CEP164: variants seen among roughly 807,000 people sequenced by gnomAD.
The protein encoded by CEP164 is centrosomal protein of 164 kDa.
Under a neutral mutation model 182.7 loss-of-function variants are expected in CEP164, and 162 were observed. The ratio of observed to expected loss-of-function variants is 0.89; its 90% CI spans 0.78 to 1.01. CEP164 has a LOEUF of 1.01. Ranked by LOEUF, CEP164 falls within the 50% of genes least tolerant of loss-of-function variation. The probability of loss-of-function intolerance (pLI) is 0.00; values close to 1 mark genes in which losing one functional copy is unlikely to be tolerated. For missense variants in CEP164, 1,735 were observed against 1,790.4 expected, an observed-to-expected ratio of 0.97 and a Z score of 0.56; for synonymous variants, 661 against 690.0, an observed-to-expected ratio of 0.96 and a Z score of 0.66.
In CEP164 at chr11:117,382,823, C is replaced by T. The variant is rs2043491343; in HGVS notation, c.1605C>T (p.Ala535=). 2.5e-6 allele frequency: 4 copies of T among 1,614,142 alleles called. No homozygotes were observed. Among genetic ancestry groups the T allele is most frequent in the Non-Finnish European group, 3.4e-6 (4 of 1,180,014 alleles). ...QREQAPSPPA[A]CEKGKEQHSQ... The stretch of plus-strand genomic sequence containing the variant: ...AGCAGGCCCCAAGCCCACCTGCTGC[C>T]TGTGAGAAGGGCAAGGAGCAGCATT... Residue 535 remains alanine, a synonymous_variant, in exon 14 of 33, where the codon GCC becomes GCT. Coordinates refer to ENST00000278935, the MANE Select transcript of CEP164 (RefSeq NM_014956.5).
intron 5 of CEP164, chr11:117,355,615 G>C (rs1331860688): frequency 7.3e-5 from 87 of 1,196,650 alleles, no homozygotes; most frequent in Non-Finnish European, 8.9e-5. Flanking sequence ...GGAAGAGCAA[G>C]TTGTTGTTAG....
At chr11:117,363,272 G>C (rs1276326425) in intron 7 of CEP164, among the ~76,000 whole-genome samples, 157 bp from the exon 8 acceptor site, 7 of 152,232 alleles carry the variant, frequency 4.6e-5, no homozygotes, top group African/African-American at 1.4e-4. Context: ...GCCGTTTAGT[G>C]AGGCTGCCTC....
At chr11:117,350,309 C>A (rs1475653076) in intron 4 of CEP164, among the ~76,000 whole-genome samples, 1 of 151,828 alleles carries the variant, frequency 6.6e-6, no homozygotes, top group African/African-American at 2.4e-5. Flanking sequence ...CTCAAACAAT[C>A]CTCCCACCTC....
chr11:117,365,895 T>C (rs890533147), intron 8 of CEP164, among the ~76,000 whole-genome samples: 1 of 152,184 alleles, frequency 6.6e-6, no homozygotes, highest in Non-Finnish European at 1.5e-5. Flanking sequence ...GGTGGATTTC[T>C]AAAAGCTTTC....
At chr11:117,339,602 C>T (rs2037793588) in intron 3 of CEP164, among the ~76,000 whole-genome samples, 2 of 139,118 alleles carry the variant, frequency 1.4e-5, no homozygotes, top group South Asian at 2.5e-4. Flanking sequence ...GATCTTGGCT[C>T]ACTGCAACCT....
At chr11:117,356,546 C>G (rs1466214992) in intron 5 of CEP164, 2 of 1,289,320 alleles carry the variant, frequency 1.6e-6, no homozygotes, top group Middle Eastern at 2.1e-4. Context: ...CACCCTCAGG[C>G]AGGGGCTAGT....
chr11:117,395,378 G>A lies in CEP164; in HGVS notation c.2914-169G>A, dbSNP rs11216375. Reference sequence around the variant, plus strand: ...GGGAACCTCAAGGGAGTGGGACTGTGGTAGGACAGGAGCCTGCAGACCTCT... The same window carrying A: ...GGGAACCTCAAGGGAGTGGGACTGTAGTAGGACAGGAGCCTGCAGACCTCT... On this transcript the variant is annotated intron_variant, in intron 23 of 32. Coordinates refer to ENST00000278935, the MANE Select transcript of CEP164 (RefSeq NM_014956.5). 0.27 allele frequency among the ~76,000 whole-genome samples: 40,940 copies of A among 152,082 alleles called. 5,660 individuals carry two copies. The highest frequency in any genetic ancestry group is 0.34 in the Middle Eastern group (99 of 294).
rs138384561 is a variant in CEP164, at chr11:117,392,281, C to T, written c.2339C>T (p.Ser780Leu). 126 of 1,611,556 alleles carry T rather than the reference C, an allele frequency of 7.8e-5. No homozygotes were observed. The African/African-American group carries it at 1.1e-3, about 14-fold the overall frequency. ...HSAELERLCSSLEAKHREVVS... is the reference protein window; with the variant it reads ...HSAELERLCSLLEAKHREVVS... ...GCTGAGCTGGAGCGGCTCTGCTCCT[C>T]ATTGGAGGCCAAGCACCGGGAGGTA... The change falls in exon 18 of 33, where the codon TCA becomes TTA. Residue 780 changes from serine to leucine, a missense_variant. By Grantham distance (145) the Ser-to-Leu change is moderately radical (BLOSUM62 -2). Coordinates refer to ENST00000278935, the MANE Select transcript of CEP164 (RefSeq NM_014956.5).
intron 14 of CEP164, among the ~76,000 whole-genome samples, chr11:117,383,168 A>C (rs533546819): frequency 1.2e-4 from 19 of 152,288 alleles, no homozygotes; most frequent in African/African-American, 4.3e-4. Context: ...GCTCCTGGTC[A>C]GGACTTGAGG....
intron 10 of CEP164, among the ~76,000 whole-genome samples, chr11:117,374,620 C>T (rs1209848711): frequency 6.6e-6 from 1 of 152,128 alleles, no homozygotes; most frequent in Non-Finnish European, 1.5e-5. Flanking sequence ...AGGAAAATGT[C>T]ACCAAAAAAG....
rs1297807943 is a variant in CEP164 at position 117,362,424 on chromosome 11, C to T, written c.573C>T (p.Thr191=). 17 of 1,613,292 alleles carry T rather than the reference C, an allele frequency of 1.1e-5. No homozygotes were observed. In the Middle Eastern group the frequency reaches 1.9e-3, roughly 177 times the overall value. Residue 191 remains threonine, a synonymous_variant, in exon 7 of 33, where the codon ACC becomes ACT. Transcript: ENST00000278935. The part of the protein sequence containing the change: ...ELMLPSQGLK[T]SAYTKGLLGS... ...TGAAGCCTTCACAGGGTCTCAAGAC[C>T]TCTGCTTATACAAAGGGTCTCTTGG...
Position 117,375,363 on chromosome 11 carries a change from G to A in CEP164, c.1234-345G>A, listed in dbSNP as rs1319432189. Among the ~76,000 whole-genome samples the A allele has an allele frequency of 3.3e-5, 5 of 152,114 alleles. No homozygotes were observed. The East Asian group carries it at 9.6e-4, about 29-fold the overall frequency. On this transcript the variant is annotated intron_variant, in intron 10 of 32. Coordinates refer to ENST00000278935, the MANE Select transcript of CEP164 (RefSeq NM_014956.5). ...CTCTCCAACCTGCTTCCTTATCTGTGGGATGAGGGAAAGAGTTTTAGTCTC... is the reference window on the plus strand; with the variant it reads ...CTCTCCAACCTGCTTCCTTATCTGTAGGATGAGGGAAAGAGTTTTAGTCTC...
chr11:117,397,427 G>A, intron 27 of CEP164, 114 bp downstream of exon 27: 1 of 925,370 alleles, frequency 1.1e-6, no homozygotes, highest in South Asian at 1.7e-5. Context: ...CCATGAGAGT[G>A]GCCACCTTGG....
chr11:117,339,864 A>G (rs2037831218), intron 3 of CEP164, among the ~76,000 whole-genome samples: 1 of 151,956 alleles, frequency 6.6e-6, no homozygotes, highest in African/African-American at 2.4e-5. Flanking sequence ...CTGCAACTCC[A>G]TGAGTTAGGT....
intron 5 of CEP164, chr11:117,356,695 G>A: frequency 3.4e-6 from 4 of 1,182,830 alleles, no homozygotes; most frequent in East Asian, 6.7e-5. Flanking sequence ...TCTTACCACA[G>A]CCATCAGGCC....
At position 117,360,833 on chromosome 11, in the gene CEP164, C is replaced by G. The variant is rs1167456438; in HGVS notation, c.394-1002C>G. Among the ~76,000 whole-genome samples the G allele has an allele frequency of 2.0e-5, 3 of 152,220 alleles. No individual in the cohort carries two copies. The East Asian group carries it at 5.8e-4, about 29-fold the overall frequency. On this transcript the variant is annotated intron_variant, in intron 5 of 32. Transcript: ENST00000278935. ...CATCTTTGTAAATAATACACTTAGACTGCTTTTTCTTGACTCATCAGTTTT... is the reference window on the plus strand; with the variant it reads ...CATCTTTGTAAATAATACACTTAGAGTGCTTTTTCTTGACTCATCAGTTTT...
intron 8 of CEP164, 66 bp from the exon 9 acceptor site, chr11:117,371,014 G>A (rs2042148843): frequency 2.7e-6 from 4 of 1,482,796 alleles, no homozygotes; most frequent in East Asian, 2.3e-5. Flanking sequence ...CCATCTTGTA[G>A]CATGTCTCAA....
intron 5 of CEP164, among the ~76,000 whole-genome samples, chr11:117,352,462 G>A (rs1471255751): frequency 2.0e-5 from 3 of 152,274 alleles, no homozygotes; most frequent in African/African-American, 7.2e-5. Context: ...CCATAATTTA[G>A]TTGTCAAAAC....
rs1565578311 is a variant in CEP164, at chr11:117,392,254, G to C, written c.2312G>C (p.Ser771Thr). Residue 771 changes from serine to threonine, a missense_variant, in exon 18 of 33, where the codon AGT (serine) becomes ACT (threonine). Transcript: ENST00000278935. The stretch of plus-strand genomic sequence containing the variant: ...GTGGCAACGCTGGAGAAGGAGCACA[G>C]TGCTGAGCTGGAGCGGCTCTGCTCC... ...EAVATLEKEH[S>T]AELERLCSSL... is the part of the protein sequence containing the mutation. 4 of 1,611,732 alleles carry C rather than the reference G, an allele frequency of 2.5e-6. No individual in the cohort carries two copies. Among genetic ancestry groups the C allele is most frequent in the Non-Finnish European group, 3.4e-6 (4 of 1,179,274 alleles).
Sources: gnomAD v4.1 joint callset for allele counts (sites outside exome capture counted in the v4.1 genomes callset) on GRCh38, gnomAD v4.1.1 for gene constraint, MANE v1.5 for transcripts, NCBI Gene and HGNC (gene_info 2026-07-23, HGNC 2026-07-21) for gene names.